The following AIFM3 variants were observed in gnomAD, a reference collection of about 807,000 sequenced individuals.
AIFM3 encodes apoptosis-inducing factor 3.
A neutral mutation model predicts 82.7 loss-of-function variants in AIFM3; 71 were observed. The ratio of observed to expected loss-of-function variants is 0.86; its 90% CI spans 0.71 to 1.05. The LOEUF is 1.05. AIFM3 is among the 50% of genes least tolerant of loss of function. The pLI is 0.00. For synonymous variants in AIFM3, 337 were observed against 329.1 expected, an observed-to-expected ratio of 1.02 and a Z score of -0.26; for missense variants, 748 against 816.7, an observed-to-expected ratio of 0.92 and a Z score of 1.03.
At position 20,974,582 on chromosome 22, in the gene AIFM3, G is replaced by A. The variant is rs1326282794; in HGVS notation, c.568G>A (p.Gly190Arg). ...GGCCAAGTGTATCTCTCCAAGTGCT[G>A]GGTACAGCAGTAGCACCAATGTGCT... Reference protein sequence around the residue: ...VMAKCISPSAGYSSSTNVLIV... With the variant: ...VMAKCISPSARYSSSTNVLIV... Residue 190 changes from glycine to arginine, a missense_variant, in exon 7 of 21, where the codon GGG (glycine) becomes AGG (arginine). Physicochemically the swap from Gly to Arg is moderately radical, Grantham distance 125. Coordinates refer to ENST00000440238, the MANE Select transcript of AIFM3 (RefSeq NM_001386814.1). 2 of 1,613,772 alleles carry A rather than the reference G, an allele frequency of 1.2e-6. No homozygotes were observed. The highest frequency in any genetic ancestry group is 1.6e-4 in the Middle Eastern group (1 of 6,082).
intron 2 of AIFM3, among the ~76,000 whole-genome samples, chr22:20,972,798 A>T (rs1310760825): frequency 2.0e-5 from 3 of 152,148 alleles, no homozygotes; most frequent in Non-Finnish European, 4.4e-5. Flanking sequence ...TAATCCCAGC[A>T]CTTTGGGAGG....
chr22:20,974,841 A>G lies in AIFM3; in HGVS notation c.720+25A>G, dbSNP rs1426034129. ...GGTACAGGGGGTGGGGCAAGTAGGGACCCTATCCCTCTGGGTCCCAGTTAA... is the reference window on the plus strand; with the variant it reads ...GGTACAGGGGGTGGGGCAAGTAGGGGCCCTATCCCTCTGGGTCCCAGTTAA... On this transcript the variant is annotated intron_variant, in intron 8 of 20. Transcript: ENST00000440238. The G allele has an allele frequency of 2.5e-6, 4 of 1,607,854 alleles. No homozygotes were observed. The South Asian group carries it at 4.4e-5, about 18-fold the overall frequency.
At chr22:20,967,505 G>A (rs368555070) in intron 1 of AIFM3, among the ~76,000 whole-genome samples, 81 of 152,248 alleles carry the variant, frequency 5.3e-4, no homozygotes, top group Non-Finnish European at 7.4e-4. Context: ...AGAGGGGAAG[G>A]GGGGCACGAG....
intron 2 of AIFM3, among the ~76,000 whole-genome samples, chr22:20,972,893 C>T (rs116765971): frequency 0.058 from 8,848 of 151,950 alleles, 886 homozygotes; most frequent in African/African-American, 0.2. Context: ...AACCCTGTCA[C>T]GCCACACCTC....
Position 20,979,683 on chromosome 22 carries a change from T to C in AIFM3, c.1633T>C (p.Phe545Leu). 1 of 1,614,146 alleles carries C rather than the reference T, an allele frequency of 6.2e-7. No homozygotes were observed. Among genetic ancestry groups the C allele is most frequent in the Non-Finnish European group, 8.5e-7 (1 of 1,180,008 alleles). Residue 545 changes from phenylalanine (F) to leucine (L), a missense_variant, in exon 18 of 21, where the codon TTT (phenylalanine) becomes CTT (leucine). Phe to Leu is a conservative substitution (Grantham distance 22). Transcript: ENST00000440238. ...IIQGDLEELK[F>L]VAFYTKGDEV... Reference sequence around the variant, plus strand: ...CCAGGGGGATCTGGAGGAGCTGAAGTTTGTGGCTTTTTACACTAAGTGAGA... The same window carrying C: ...CCAGGGGGATCTGGAGGAGCTGAAGCTTGTGGCTTTTTACACTAAGTGAGA...
chr22:20,977,651 A>G (rs769162022), intron 14 of AIFM3, 49 bp from the exon 15 acceptor site: 2 of 1,609,630 alleles, frequency 1.2e-6, no homozygotes, highest in African/African-American at 2.7e-5. Context: ...GAGAGTGACT[A>G]CGCAGAAGGC....
chr22:20,980,495 C>T lies in AIFM3; in HGVS notation c.1758-252C>T, dbSNP rs537792576. The T allele has an allele frequency of 7.6e-5, 46 of 607,944 alleles. 1 individual carries two copies. The highest frequency in any genetic ancestry group is 1.3e-4 in the Non-Finnish European group (44 of 339,980). The allele number at this position is 607,944 out of a possible 1,614,324, so 37.7% of individuals were successfully genotyped here. On this transcript the variant is annotated intron_variant, in intron 19 of 20. Transcript: ENST00000440238. ...GCTACTGATGCCCTGGGTATGCCCT[C>T]CACATAGATGGTGGGGGTGGTTCTA...
chr22:20,977,842 C>T (rs1220678372), intron 15 of AIFM3, 46 bp from the exon 16 acceptor site: 7 of 1,613,516 alleles, frequency 4.3e-6, no homozygotes, highest in Non-Finnish European at 5.1e-6. Flanking sequence ...AGGTTCAGGT[C>T]AGGGCCCCTG....
chr22:20,979,240 G>C, intron 16 of AIFM3, 31 bp from the exon 17 acceptor site: 2 of 1,550,762 alleles, frequency 1.3e-6, no homozygotes, highest in Non-Finnish European at 1.7e-6. Context: ...AAGAGCGAGA[G>C]TTAGGGTTCT....
upstream of AIFM3, chr22:20,965,430 G>C (rs1841774855): frequency 6.6e-6 from 1 of 152,208 alleles, no homozygotes; most frequent in Non-Finnish European, 1.5e-5. Flanking sequence ...TTCCCGGCTC[G>C]CCGCGGGGCC....
chr22:20,980,213 C>G (rs1476412440), intron 19 of AIFM3, 89 bp downstream of exon 19: 16 of 1,169,660 alleles, frequency 1.4e-5, no homozygotes, highest in Admixed American at 2.2e-5. Context: ...CCCCCACAAC[C>G]CTCCAGGGCC....
At position 20,973,477 on chromosome 22, in the gene AIFM3, G is replaced by T. The variant is rs768504151; in HGVS notation, c.202G>T (p.Val68Leu). The change falls in exon 3 of 21, where the codon GTG becomes TTG. Residue 68 changes from valine (V) to leucine (L), a missense_variant. Physicochemically the swap from Val to Leu is conservative, Grantham distance 32. This residue lies in a region of AIFM3 where 148 missense variants were observed against 134.1 expected (regional missense o/e 1.10). Transcript: ENST00000440238. Reference sequence around the variant, plus strand: ...CCCCTACCCCAGCCCTCAGGATTGCGTGGAGGCTGCTGTCTGCCACGTCAA... The same window carrying T: ...CCCCTACCCCAGCCCTCAGGATTGCTTGGAGGCTGCTGTCTGCCACGTCAA... ...PHPYPSPQDC[V>L]EAAVCHVKDL... The T allele has an allele frequency of 1.9e-6, 3 of 1,613,040 alleles. No individual in the cohort carries two copies. Among genetic ancestry groups the T allele is most frequent in the Non-Finnish European group, 2.5e-6 (3 of 1,179,994 alleles).
intron 2 of AIFM3, among the ~76,000 whole-genome samples, chr22:20,971,858 T>A (rs1923284607): frequency 6.6e-6 from 1 of 152,172 alleles, no homozygotes; most frequent in South Asian, 2.1e-4. Flanking sequence ...TCACAGGGAA[T>A]TTGGAAAATG....
At chr22:20,973,953 A>G (rs1923448163) in intron 4 of AIFM3, 86 bp downstream of exon 4, 4 of 1,470,282 alleles carry the variant, frequency 2.7e-6, no homozygotes, top group South Asian at 2.7e-5. Flanking sequence ...ATCTTCATCT[A>G]TTAGTGAAGT....
chr22:20,975,506 G>A (rs1363140463), intron 8 of AIFM3, among the ~76,000 whole-genome samples, 186 bp from the exon 9 acceptor site: 2 of 152,194 alleles, frequency 1.3e-5, no homozygotes, highest in African/African-American at 4.8e-5. Context: ...CCTGGTTCAA[G>A]CGATCCTCCT....
intron 2 of AIFM3, among the ~76,000 whole-genome samples, chr22:20,968,734 C>T (rs1039083070): frequency 6.6e-6 from 1 of 152,070 alleles, no homozygotes; most frequent in Admixed American, 6.6e-5. Flanking sequence ...GGTGGAGAAA[C>T]TGAGGCTTAG....
chr22:20,967,937 C>A lies in AIFM3; in HGVS notation c.-8C>A, dbSNP rs761954077. ...TCCTGCCTGCCGGCCATCCTCAGGC[C>A]ACTCGCCATGGGCGGCTGCTTCTCC... On this transcript the variant is annotated 5_prime_UTR_variant, in exon 2 of 21. Coordinates refer to ENST00000440238, the MANE Select transcript of AIFM3 (RefSeq NM_001386814.1). 1 of 1,614,148 alleles carries A rather than the reference C, an allele frequency of 6.2e-7. No homozygotes were observed. Among genetic ancestry groups the A allele is most frequent in the Non-Finnish European group, 8.5e-7 (1 of 1,179,998 alleles).
chr22:20,980,565 C>T, intron 19 of AIFM3, 182 bp from the exon 20 acceptor site: 1 of 727,912 alleles, frequency 1.4e-6, no homozygotes, highest in Non-Finnish European at 2.4e-6. Context: ...GGTGTGGTGT[C>T]AATGAGATTC....
At chr22:20,977,844 G>C (rs936034320) in intron 15 of AIFM3, 44 bp from the exon 16 acceptor site, 2 of 1,613,894 alleles carry the variant, frequency 1.2e-6, no homozygotes, top group Non-Finnish European at 1.7e-6. Flanking sequence ...GTTCAGGTCA[G>C]GGCCCCTGTC....
Sources: gnomAD v4.1 joint callset for allele counts (sites outside exome capture counted in the v4.1 genomes callset) on GRCh38, gnomAD v4.1.1 for gene constraint, gnomAD v4.1.1 regional missense constraint, MANE v1.5 for transcripts, NCBI Gene and HGNC (gene_info 2026-07-23, HGNC 2026-07-21) for gene names.